ZNF618: variants seen among roughly 807,000 people sequenced by gnomAD.
ZNF618 encodes zinc finger protein 618, also known as neural precursor cell expressed, developmentally down-regulated 10.
A neutral mutation model predicts 103.0 loss-of-function variants in ZNF618; 34 were observed. The observed-to-expected ratio is 0.33, with a 90% CI of 0.25 to 0.44. The LOEUF (loss-of-function observed/expected upper bound fraction) is 0.44, where lower values mean the gene tolerates loss of function less well. Among genes scored for constraint, ZNF618 ranks in the 20% least tolerant of loss-of-function variants. The probability of loss-of-function intolerance (pLI) is 1.00; values close to 1 mark genes in which losing one functional copy is unlikely to be tolerated. For synonymous variants in ZNF618, 551 were observed against 542.2 expected (o/e 1.02, Z -0.23); for missense variants, 1,059 against 1,295.4 (o/e 0.82, Z 2.80).
chr9:113,917,785 G>T (rs1832263073), intron 1 of ZNF618, among the ~76,000 whole-genome samples: 1 of 152,110 alleles, frequency 6.6e-6, no homozygotes, highest in African/African-American at 2.4e-5. Flanking sequence ...AAAGATTTCA[G>T]ACTCATAAAA....
At position 113,988,337 on chromosome 9, in the gene ZNF618, A is replaced by G. The variant is rs762723672; in HGVS notation, c.94A>G (p.Ser32Gly). Residue 32 changes from serine (S) to glycine (G), a missense_variant, in exon 3 of 15, where the codon AGC becomes GGC. By Grantham distance (56) the Ser-to-Gly change is moderately conservative. Around this residue, in one of 6 missense-constraint regions of ZNF618, gnomAD observed 194 missense variants for 209.0 expected, o/e 0.93. Transcript: ENST00000374126. ...CTTTCCCAGGGAGCGCTTGAAGCGC[A>G]GCCAGAAGAGCACCAAGGTGGAGGG... Reference protein sequence around the residue: ...STASRERLKRSQKSTKVEGPE... With the variant: ...STASRERLKRGQKSTKVEGPE... 1.2e-5 allele frequency: 20 copies of G among 1,612,606 alleles called. No individual in the cohort carries two copies. Among genetic ancestry groups the G allele is most frequent in the Non-Finnish European group, 1.6e-5 (19 of 1,179,600 alleles).
chr9:113,958,320 A>C (rs1294408461), intron 1 of ZNF618, among the ~76,000 whole-genome samples: 1 of 152,056 alleles, frequency 6.6e-6, no homozygotes, highest in Non-Finnish European at 1.5e-5. Flanking sequence ...GCACATGGGG[A>C]CTGGTGACAT....
intron 10 of ZNF618, among the ~76,000 whole-genome samples, chr9:114,027,195 G>A (rs768008917): frequency 6.6e-6 from 1 of 152,226 alleles, no homozygotes; most frequent in South Asian, 2.1e-4. Context: ...AAGAGAGACA[G>A]AGAGCAGGAG....
At chr9:114,005,572 G>A (rs570384315) in intron 6 of ZNF618, among the ~76,000 whole-genome samples, 39 of 152,342 alleles carry the variant, frequency 2.6e-4, no homozygotes, top group Non-Finnish European at 4.6e-4. Context: ...GGTGGCGGCA[G>A]ATGGCGGGTA....
intron 1 of ZNF618, among the ~76,000 whole-genome samples, chr9:113,916,071 T>C (rs1048722556): frequency 8.9e-5 from 9 of 101,538 alleles, no homozygotes; most frequent in Middle Eastern, 5.1e-3. Flanking sequence ...TGCGCGTGTG[T>C]CTGTGTGTGT....
intron 11 of ZNF618, among the ~76,000 whole-genome samples, chr9:114,031,783 C>G (rs1844066571): frequency 6.6e-6 from 1 of 152,076 alleles, no homozygotes; most frequent in Admixed American, 6.5e-5. Flanking sequence ...GCTGCACATC[C>G]CAAATTGACT....
intron 1 of ZNF618, among the ~76,000 whole-genome samples, chr9:113,884,642 T>G (rs1828877893): frequency 6.6e-6 from 1 of 152,126 alleles, no homozygotes; most frequent in African/African-American, 2.4e-5. Context: ...TCCTTAGTAT[T>G]ATATAATGCT....
chr9:113,911,286 A>T (rs373340277), intron 1 of ZNF618, among the ~76,000 whole-genome samples: 1 of 152,192 alleles, frequency 6.6e-6, no homozygotes, highest in African/African-American at 2.4e-5. Flanking sequence ...CCCTACTCAG[A>T]TGTTGACACT....
chr9:114,037,078 T>A (rs1844689268), intron 13 of ZNF618, among the ~76,000 whole-genome samples: 1 of 152,178 alleles, frequency 6.6e-6, no homozygotes. Context: ...AGGCAGCCTT[T>A]TTATTACATT....
At chr9:113,972,259 G>A (rs996398643) in intron 2 of ZNF618, among the ~76,000 whole-genome samples, 7 of 151,806 alleles carry the variant, frequency 4.6e-5, no homozygotes, top group Non-Finnish European at 7.4e-5. Flanking sequence ...GTGTTGCCCA[G>A]GCTGGTCTCA....
chr9:114,037,887 C>T (rs1053802836), intron 13 of ZNF618, among the ~76,000 whole-genome samples: 2 of 152,198 alleles, frequency 1.3e-5, no homozygotes, highest in Admixed American at 6.5e-5. Flanking sequence ...AGCCAAGGCA[C>T]TTGCCTCGGA....
At chr9:114,034,381 TC>T (rs1844394649) in intron 12 of ZNF618, among the ~76,000 whole-genome samples, 1 of 152,092 alleles carries the variant, frequency 6.6e-6, no homozygotes. Flanking sequence ...CCCCCATGCG[TC>T]CCCTGCCCCC....
chr9:113,951,519 A>ACG (rs1835718388), intron 1 of ZNF618, among the ~76,000 whole-genome samples: 1 of 62,596 alleles, frequency 1.6e-5, no homozygotes, highest in Non-Finnish European at 3.2e-5. Context: ...ATGTGTGTAT[A>ACG]TGTACACATA....
At chr9:113,880,168 G>C (rs1416214428) in intron 1 of ZNF618, among the ~76,000 whole-genome samples, 1 of 151,994 alleles carries the variant, frequency 6.6e-6, no homozygotes, top group East Asian at 1.9e-4. Flanking sequence ...ATATATGACT[G>C]ATGTATATAA....
intron 1 of ZNF618, among the ~76,000 whole-genome samples, chr9:113,887,233 G>A (rs529429880): frequency 6.6e-6 from 1 of 152,208 alleles, no homozygotes; most frequent in East Asian, 1.9e-4. Flanking sequence ...ATTAGTGTAA[G>A]TAGGTGGTTG....
chr9:113,998,408 A>AGCTGTGCCCC, intron 4 of ZNF618, 54 bp downstream of exon 4: 2 of 1,452,430 alleles, frequency 1.4e-6, no homozygotes, highest in Non-Finnish European at 1.9e-6. Context: ...GGGTGGGGGC[A>AGCTGTGCCCC]CAGCTGGACA....
intron 1 of ZNF618, among the ~76,000 whole-genome samples, chr9:113,877,266 T>C (rs1490935449): frequency 6.6e-6 from 1 of 151,146 alleles, no homozygotes; most frequent in Non-Finnish European, 1.5e-5. Context: ...ACCCAACTCA[T>C]TTTAGTTTGA....
rs77398969 is a variant in ZNF618 at position 114,008,916 on chromosome 9, T to C, written c.754+362T>C. Among the ~76,000 whole-genome samples, 17 of 152,324 alleles carry C rather than the reference T, an allele frequency of 1.1e-4. No individual in the cohort carries two copies. In the East Asian group the frequency reaches 3.1e-3, roughly 28 times the overall value. On this transcript the variant is annotated intron_variant, in intron 9 of 14. Coordinates refer to ENST00000374126, the MANE Select transcript of ZNF618 (RefSeq NM_001318042.2). ...TTGGGGGATTAAATGAGATCCTGGATGTGAACCACTTGTTAGCACAGTGCC... is the reference window on the plus strand; with the variant it reads ...TTGGGGGATTAAATGAGATCCTGGACGTGAACCACTTGTTAGCACAGTGCC...
intron 3 of ZNF618, among the ~76,000 whole-genome samples, chr9:113,993,306 C>T (rs187870709): frequency 1.7e-4 from 26 of 152,314 alleles, no homozygotes; most frequent in African/African-American, 4.6e-4. Flanking sequence ...GCAGACACTG[C>T]GAATTGATTA....
Sources: gnomAD v4.1 joint callset for allele counts (sites outside exome capture counted in the v4.1 genomes callset) on GRCh38, gnomAD v4.1.1 for gene constraint, gnomAD v4.1.1 regional missense constraint, MANE v1.5 for transcripts, NCBI Gene and HGNC (gene_info 2026-07-23, HGNC 2026-07-21) for gene names.